ARHGAP26: variants seen among roughly 807,000 people sequenced by gnomAD.
ARHGAP26 encodes Rho GTPase activating protein 26, also known as rho GTPase-activating protein 26.
ARHGAP26 carries 38 observed loss-of-function variants against 104.8 expected under a neutral mutation model. The observed-to-expected ratio is 0.36, with a 90% confidence interval of 0.28 to 0.48. The LOEUF (loss-of-function observed/expected upper bound fraction) is 0.48. Among genes scored for constraint, ARHGAP26 ranks in the 20% least tolerant of loss-of-function variants. The probability of loss-of-function intolerance (pLI) is 0.99; values close to 1 mark genes in which losing one functional copy is unlikely to be tolerated. For missense variants in ARHGAP26, 704 were observed against 947.9 expected, an observed-to-expected ratio of 0.74 and a Z score of 3.38; for synonymous variants, 341 against 340.0, an observed-to-expected ratio of 1.00 and a Z score of -0.03.
intron 20 of ARHGAP26, among the ~76,000 whole-genome samples, chr5:143,164,759 A>G (rs900958226): frequency 6.6e-6 from 1 of 152,244 alleles, no homozygotes; most frequent in Admixed American, 6.5e-5. Context: ...ACTCAGAGCC[A>G]GCTTTCTGCC....
intron 22 of ARHGAP26, among the ~76,000 whole-genome samples, chr5:143,222,097 GTGTC>G (rs767804457): frequency 2.0e-4 from 30 of 152,278 alleles, no homozygotes; most frequent in Non-Finnish European, 4.1e-4. Context: ...TTGTATGTCT[GTGTC>G]TGTTTCCTTT....
chr5:143,015,941 C>A (rs530242425), intron 12 of ARHGAP26, among the ~76,000 whole-genome samples: 96 of 152,198 alleles, frequency 6.3e-4, no homozygotes, highest in African/African-American at 2.3e-3. Flanking sequence ...AAGTGACCAC[C>A]CTCTAACTCC....
chr5:143,142,898 A>G (rs57733343), intron 19 of ARHGAP26, among the ~76,000 whole-genome samples: 4,655 of 152,332 alleles, frequency 0.031, 118 homozygotes, highest in East Asian at 0.083. Flanking sequence ...ACCACAGCAC[A>G]GGAAAGCCTC....
At chr5:143,041,962 T>A in intron 14 of ARHGAP26, 72 bp downstream of exon 14, 1 of 1,312,676 alleles carries the variant, frequency 7.6e-7, no homozygotes, top group Non-Finnish European at 1.1e-6. Context: ...ACCAGGTCTG[T>A]GAGTAGATAC....
At position 142,885,279 on chromosome 5, in the gene ARHGAP26, T is replaced by A. The variant is rs757713480; in HGVS notation, c.385-19T>A. The A allele has an allele frequency of 6.2e-6, 10 of 1,605,470 alleles. No individual in the cohort carries two copies. The Admixed American group carries it at 1.2e-4, about 19-fold the overall frequency. On this transcript the variant is annotated intron_variant, in intron 4 of 22. Coordinates refer to ENST00000645722, the MANE Select transcript of ARHGAP26 (RefSeq NM_001135608.3). ...CAACGTGTTACTCTTTTTCTTTTTC[T>A]CTTCTCTTTTTTTGCCAGGAAGCCA...
At chr5:143,140,399 C>T (rs1041441772) in intron 19 of ARHGAP26, among the ~76,000 whole-genome samples, 7 of 152,152 alleles carry the variant, frequency 4.6e-5, no homozygotes, top group Non-Finnish European at 1.0e-4. Flanking sequence ...CTTTCCTTTT[C>T]TGAGCCTCCA....
intron 17 of ARHGAP26, among the ~76,000 whole-genome samples, chr5:143,084,038 T>C (rs1481961606): frequency 6.6e-6 from 1 of 152,222 alleles, no homozygotes. Context: ...GCCGTCCACG[T>C]CATTGACTTT....
intron 12 of ARHGAP26, among the ~76,000 whole-genome samples, chr5:143,035,503 A>G (rs926971164): frequency 6.6e-6 from 1 of 152,194 alleles, no homozygotes; most frequent in Non-Finnish European, 1.5e-5. Context: ...ATGCGAAGGC[A>G]CAAGAATGAC....
chr5:143,151,708 C>A (rs1279503532), intron 20 of ARHGAP26, among the ~76,000 whole-genome samples: 1 of 152,146 alleles, frequency 6.6e-6, no homozygotes, highest in Non-Finnish European at 1.5e-5. Flanking sequence ...GTAATCCCAG[C>A]ACTTTGGGAG....
At chr5:142,925,408 C>T (rs1422878541) in intron 10 of ARHGAP26, among the ~76,000 whole-genome samples, 2 of 152,162 alleles carry the variant, frequency 1.3e-5, no homozygotes, top group African/African-American at 2.4e-5. Context: ...TCCAGTTTCC[C>T]TAATTTTTCT....
intron 21 of ARHGAP26, among the ~76,000 whole-genome samples, chr5:143,207,678 G>A (rs946242048): frequency 6.6e-6 from 1 of 152,244 alleles, no homozygotes; most frequent in Non-Finnish European, 1.5e-5. Flanking sequence ...CCTAGAGTTA[G>A]GGGAAGGAGC....
chr5:143,166,607 C>T (rs1426709195), intron 20 of ARHGAP26, among the ~76,000 whole-genome samples: 1 of 152,152 alleles, frequency 6.6e-6, no homozygotes, highest in Non-Finnish European at 1.5e-5. Context: ...CCCTGACAGC[C>T]CCAGTGCTTT....
chr5:143,144,317 G>A (rs371128069), intron 19 of ARHGAP26, among the ~76,000 whole-genome samples: 17 of 152,144 alleles, frequency 1.1e-4, no homozygotes, highest in Admixed American at 3.3e-4. Flanking sequence ...GTTCTTGTGC[G>A]CTTCTGTCAG....
intron 11 of ARHGAP26, among the ~76,000 whole-genome samples, chr5:142,957,320 C>A (rs1311813970): frequency 6.6e-6 from 1 of 152,182 alleles, no homozygotes; most frequent in Admixed American, 6.5e-5. Context: ...AGCACTTAGT[C>A]TTTGTGATTT....
At chr5:142,809,403 A>G (rs1430186152) in intron 1 of ARHGAP26, among the ~76,000 whole-genome samples, 1 of 152,186 alleles carries the variant, frequency 6.6e-6, no homozygotes, top group Non-Finnish European at 1.5e-5. Context: ...AGCTGGTGCA[A>G]TTCTGCATTC....
At chr5:143,134,642 T>C (rs982253299) in intron 19 of ARHGAP26, among the ~76,000 whole-genome samples, 1 of 152,232 alleles carries the variant, frequency 6.6e-6, no homozygotes, top group African/African-American at 2.4e-5. Context: ...AACAATACCT[T>C]ACTTGTTCCA....
At chr5:142,898,703 C>T (rs1176834997) in intron 6 of ARHGAP26, among the ~76,000 whole-genome samples, 1 of 152,210 alleles carries the variant, frequency 6.6e-6, no homozygotes, top group Non-Finnish European at 1.5e-5. Flanking sequence ...TTAATCTTCA[C>T]TGCAACTCTG....
intron 11 of ARHGAP26, among the ~76,000 whole-genome samples, chr5:142,958,967 G>A (rs2152650724): frequency 6.6e-6 from 1 of 151,318 alleles, no homozygotes; most frequent in Non-Finnish European, 1.5e-5. Context: ...GTGCATATTT[G>A]TTTTTAGTTG....
rs377164844 is a variant in ARHGAP26 at position 142,907,670 on chromosome 5, G to A, written c.833-34G>A. 1.2e-4 allele frequency: 171 copies of A among 1,469,184 alleles called. No individual in the cohort carries two copies. In the African/African-American group the frequency reaches 1.8e-3, roughly 16 times the overall value. 91.0% of individuals were successfully genotyped at this position (1,469,184 alleles called of 1,614,324 possible). On this transcript the variant is annotated intron_variant, in intron 8 of 22. Coordinates refer to ENST00000645722, the MANE Select transcript of ARHGAP26 (RefSeq NM_001135608.3). ...CATGATGTATAGCATACAGTGGAAT[G>A]TATAGATATTTTATGGGAAATATTA...
Sources: gnomAD v4.1 joint callset for allele counts (sites outside exome capture counted in the v4.1 genomes callset) on GRCh38, gnomAD v4.1.1 for gene constraint, MANE v1.5 for transcripts, NCBI Gene and HGNC (gene_info 2026-07-23, HGNC 2026-07-21) for gene names.